Variants in JAM2 observed in about 807,000 individuals in gnomAD.
JAM2 encodes the protein junctional adhesion molecule B.
JAM2 carries 17 observed loss-of-function variants against 42.0 expected under a neutral mutation model. That is an observed-to-expected ratio of 0.40 (90% CI 0.28 to 0.61). The LOEUF is 0.61. JAM2 is among the 20% of genes least tolerant of loss of function. The probability of loss-of-function intolerance (pLI) is 0.37; values close to 1 mark genes in which losing one functional copy is unlikely to be tolerated. For synonymous variants in JAM2, 118 were observed against 128.6 expected, an observed-to-expected ratio of 0.92 and a Z score of 0.56; for missense variants, 319 against 358.3, an observed-to-expected ratio of 0.89 and a Z score of 0.89.
At chr21:25,660,759 C>CATATATAT (rs1311949044) in intron 1 of JAM2, among the ~76,000 whole-genome samples, 767 of 53,420 alleles carry the variant, frequency 0.014, 38 homozygotes, top group East Asian at 0.096. Flanking sequence ...TCACAATAAC[C>CATATATAT]ATATATATAT....
At chr21:25,693,227 A>G (rs1192925111) in intron 3 of JAM2, among the ~76,000 whole-genome samples, 2 of 152,126 alleles carry the variant, frequency 1.3e-5, no homozygotes, top group African/African-American at 4.8e-5. Flanking sequence ...AAAATGAAAT[A>G]AAATATGAGA....
chr21:25,709,366 T>A lies in JAM2; in HGVS notation c.806-68T>A. ...TAAAAATAAATTAAACCCAAACTCA[T>A]TTTTATATGAATCTGTATCATACCA... On this transcript the variant is annotated intron_variant, in intron 7 of 9. Transcript: ENST00000480456. The A allele has an allele frequency of 2.4e-6, 2 of 824,624 alleles. 1 individual carries two copies. The highest frequency in any genetic ancestry group is 3.8e-6 in the Non-Finnish European group (2 of 525,180). The allele number at this position is 824,624 out of a possible 1,614,324, so 51.1% of individuals were successfully genotyped here. A position where few individuals can be genotyped will look rare whatever the true frequency, so the allele number is the denominator to read the frequency against.
chr21:25,714,619 G>GT (rs1340529024), intron 9 of JAM2, 21 bp from the exon 10 acceptor site: 1 of 1,388,066 alleles, frequency 7.2e-7, no homozygotes, highest in Non-Finnish European at 9.9e-7. Context: ...ATTTAAACCT[G>GT]TTTTTTCTTT....
At chr21:25,666,247 G>C (rs928094915) in intron 1 of JAM2, among the ~76,000 whole-genome samples, 1 of 151,642 alleles carries the variant, frequency 6.6e-6, no homozygotes. Flanking sequence ...ATTAAATTTA[G>C]AATGCTTTAT....
At chr21:25,711,428 A>C (rs1482895744) in intron 8 of JAM2, 1 of 456,198 alleles carries the variant, frequency 2.2e-6, no homozygotes, top group Non-Finnish European at 4.4e-6. Context: ...AAACTATCTG[A>C]GGCTATGGCA....
intron 1 of JAM2, among the ~76,000 whole-genome samples, chr21:25,664,191 G>T (rs376378426): frequency 6.6e-6 from 1 of 151,926 alleles, no homozygotes; most frequent in Non-Finnish European, 1.5e-5. Context: ...TAATTTACTA[G>T]TTCCTAAGTC....
chr21:25,653,220 G>A (rs540130122), intron 1 of JAM2, among the ~76,000 whole-genome samples: 4 of 152,328 alleles, frequency 2.6e-5, no homozygotes, highest in African/African-American at 7.2e-5. Flanking sequence ...GGAGTTAGGA[G>A]TTGAGGATAA....
chr21:25,714,184 A>G, intron 9 of JAM2: 1 of 1,302,434 alleles, frequency 7.7e-7, no homozygotes. Flanking sequence ...TAGTTAGTTA[A>G]TTCCCCATAA....
At chr21:25,685,064 T>C (rs1442285078) in intron 2 of JAM2, among the ~76,000 whole-genome samples, 1 of 152,152 alleles carries the variant, frequency 6.6e-6, no homozygotes, top group Admixed American at 6.5e-5. Context: ...AAATGTCTGA[T>C]CTCTCATCAT....
rs375256412 is a variant in JAM2, at chr21:25,693,798, G to A, written c.284G>A (p.Arg95Gln). 7 of 1,613,894 alleles carry A rather than the reference G, an allele frequency of 4.3e-6. No individual in the cohort carries two copies. The highest frequency in any genetic ancestry group is 2.7e-5 in the African/African-American group (2 of 74,896). ...GCTGAGATGATAGATTTCAATATCC[G>A]GATCAAAAATGTGACAAGAAGTGAT... ...NRAEMIDFNI[R>Q]IKNVTRSDAG... The change falls in exon 4 of 10, where the codon CGG becomes CAG. Residue 95 changes from arginine to glutamine, a missense_variant. Transcript: ENST00000480456.
chr21:25,709,352 T>G, intron 7 of JAM2, 82 bp from the exon 8 acceptor site: 1 of 758,670 alleles, frequency 1.3e-6, no homozygotes, highest in Non-Finnish European at 2.1e-6. Flanking sequence ...AAAAATAAAT[T>G]AAACCCAAAC....
intron 1 of JAM2, 112 bp downstream of exon 1, chr21:25,640,000 C>T (rs1440104934): frequency 3.1e-5 from 22 of 701,176 alleles, no homozygotes; most frequent in Non-Finnish European, 4.2e-5. Context: ...GCCGAGGTCG[C>T]CGCGGGGCGT....
chr21:25,688,116 G>A (rs2033790869), intron 2 of JAM2, among the ~76,000 whole-genome samples: 1 of 152,190 alleles, frequency 6.6e-6, no homozygotes, highest in Non-Finnish European at 1.5e-5. Flanking sequence ...TACATGGCCA[G>A]CGAGAGAGAG....
chr21:25,686,327 C>T (rs974456447), intron 2 of JAM2, among the ~76,000 whole-genome samples: 1 of 152,160 alleles, frequency 6.6e-6, no homozygotes, highest in Non-Finnish European at 1.5e-5. Context: ...CTCCATCATT[C>T]CAGTTTTGGC....
intron 1 of JAM2, among the ~76,000 whole-genome samples, chr21:25,662,212 A>G (rs1025867043): frequency 4.3e-4 from 65 of 152,160 alleles, no homozygotes; most frequent in African/African-American, 1.4e-3. Flanking sequence ...CAGTGATACA[A>G]TAAAATTCAC....
chr21:25,682,706 T>G (rs1054755029), intron 1 of JAM2, among the ~76,000 whole-genome samples: 4 of 152,212 alleles, frequency 2.6e-5, no homozygotes, highest in African/African-American at 9.6e-5. Context: ...TTGCCCAGCA[T>G]CCCAGAAAAA....
chr21:25,698,115 T>C (rs142387521), intron 4 of JAM2, among the ~76,000 whole-genome samples: 51 of 152,334 alleles, frequency 3.3e-4, no homozygotes, highest in African/African-American at 1.2e-3. Flanking sequence ...TAAGCTAAAG[T>C]AATGCTTATT....
chr21:25,665,488 G>A (rs1023572060), intron 1 of JAM2, among the ~76,000 whole-genome samples: 2 of 152,150 alleles, frequency 1.3e-5, no homozygotes, highest in Admixed American at 1.3e-4. Context: ...GAACCAACAA[G>A]ACATGTGTGT....
At chr21:25,696,800 G>C (rs944736029) in intron 4 of JAM2, among the ~76,000 whole-genome samples, 1 of 152,096 alleles carries the variant, frequency 6.6e-6, no homozygotes, top group Non-Finnish European at 1.5e-5. Context: ...AACTCCTAGA[G>C]GCCACCACAT....
Sources: gnomAD v4.1 joint callset for allele counts (sites outside exome capture counted in the v4.1 genomes callset) on GRCh38, gnomAD v4.1.1 for gene constraint, MANE v1.5 for transcripts, NCBI Gene and HGNC (gene_info 2026-07-23, HGNC 2026-07-21) for gene names.